DIAPH2: variants seen among roughly 807,000 people sequenced by gnomAD.
DIAPH2 encodes the protein protein diaphanous homolog 2.
DIAPH2 carries 35 observed loss-of-function variants against 92.7 expected under a neutral mutation model. That is an observed-to-expected ratio of 0.38 (90% confidence interval 0.29 to 0.50). The LOEUF (loss-of-function observed/expected upper bound fraction) is 0.50. Among genes scored for constraint, DIAPH2 ranks in the 20% least tolerant of loss-of-function variants. DIAPH2 has a pLI of 0.94. For missense variants in DIAPH2, 701 were observed against 819.5 expected (o/e 0.86, Z 1.77); for synonymous variants, 301 against 280.4 (o/e 1.07, Z -0.73).
At chrX:96,714,944 A>G (rs182849242) in intron 1 of DIAPH2, among the ~76,000 whole-genome samples, 151 of 111,891 alleles carry the variant, frequency 1.3e-3, no homozygotes, top group African/African-American at 4.5e-3. Context: ...GTGTGTGTAC[A>G]TATGATTGTG....
intron 4 of DIAPH2, among the ~76,000 whole-genome samples, chrX:96,775,353 T>TTGTGTGTGTGTGTGTG (rs60441028): frequency 0.059 from 5,239 of 89,283 alleles, 228 homozygotes; most frequent in Non-Finnish European, 0.091. Context: ...CAACGTGTGC[T>TTGTGTGTGTGTGTGTG]TGTGTGTGTG....
intron 26 of DIAPH2, among the ~76,000 whole-genome samples, chrX:97,589,999 T>C (rs769388440): frequency 8.9e-6 from 1 of 112,712 alleles, no homozygotes; most frequent in South Asian, 3.7e-4. Context: ...AAAGTGTGTG[T>C]GATATTAACC....
intron 17 of DIAPH2, among the ~76,000 whole-genome samples, chrX:97,060,462 T>C (rs1195688575): frequency 9.0e-6 from 1 of 111,641 alleles, no homozygotes; most frequent in African/African-American, 3.3e-5. Flanking sequence ...CTTTATGAGA[T>C]GTTTTTTATT....
chrX:96,812,878 C>G (rs901783782), intron 4 of DIAPH2, among the ~76,000 whole-genome samples: 1 of 111,838 alleles, frequency 8.9e-6, no homozygotes, highest in Admixed American at 9.5e-5. Context: ...GCACTGTGGT[C>G]GGAGAGACAG....
At chrX:96,823,672 G>A (rs921392944) in intron 4 of DIAPH2, among the ~76,000 whole-genome samples, 1 of 110,914 alleles carries the variant, frequency 9.0e-6, no homozygotes, top group Non-Finnish European at 1.9e-5. Flanking sequence ...AGGAGAAAGG[G>A]TTCAATTATA....
intron 4 of DIAPH2, among the ~76,000 whole-genome samples, chrX:96,807,848 T>C (rs2064639455): frequency 9.9e-6 from 1 of 101,287 alleles, no homozygotes. Flanking sequence ...AGTAGATCAC[T>C]GCAGGAAGGA....
intron 21 of DIAPH2, among the ~76,000 whole-genome samples, chrX:97,130,724 T>C (rs989795478): frequency 1.8e-5 from 2 of 111,592 alleles, no homozygotes; most frequent in African/African-American, 6.5e-5. Flanking sequence ...CTCACTGAAC[T>C]GTGTGCTTAA....
chrX:97,100,436 A>T (rs1430168545), intron 20 of DIAPH2, among the ~76,000 whole-genome samples: 2 of 111,760 alleles, frequency 1.8e-5, no homozygotes, highest in African/African-American at 6.5e-5. Flanking sequence ...TAAATTTTGA[A>T]TTCAAGATTA....
chrX:97,412,967 A>G (rs1451597333), intron 25 of DIAPH2, among the ~76,000 whole-genome samples: 3 of 112,013 alleles, frequency 2.7e-5, no homozygotes, highest in African/African-American at 9.7e-5. Flanking sequence ...GCTGAATTCT[A>G]CCAGAAGTAC....
At chrX:96,692,114 C>CT (rs1418204957) in intron 1 of DIAPH2, among the ~76,000 whole-genome samples, 8 of 111,839 alleles carry the variant, frequency 7.2e-5, no homozygotes, top group Non-Finnish European at 1.3e-4. Flanking sequence ...GTTAATGAGA[C>CT]TTTTTTACAA....
chrX:97,464,686 C>T (rs1265358490), intron 26 of DIAPH2, among the ~76,000 whole-genome samples: 6 of 111,466 alleles, frequency 5.4e-5, no homozygotes, highest in Non-Finnish European at 1.1e-4. Flanking sequence ...GATGAAAGAG[C>T]AGATTCTCTG....
intron 22 of DIAPH2, among the ~76,000 whole-genome samples, chrX:97,233,299 A>C (rs902726396): frequency 8.9e-6 from 1 of 112,776 alleles, no homozygotes; most frequent in Admixed American, 9.4e-5. Context: ...AAGAACACAC[A>C]TGAGACTTCA....
rs767123872 is a variant in DIAPH2, at chrX:96,881,562, CTTTG to C, written c.448-13_448-10del. The C allele has an allele frequency of 1.5e-5, 18 of 1,181,493 alleles. No individual in the cohort carries two copies. Among genetic ancestry groups the C allele is most frequent in the Non-Finnish European group, 1.9e-5 (17 of 882,216 alleles). On this transcript the variant is annotated splice_polypyrimidine_tract_variant and intron_variant, in intron 4 of 26. Transcript: ENST00000324765. ...TTTGAAACATTGTCTAAAATGGTCT[CTTTG>C]TTTATTTTATAGGGTGGGCTGAAAA... is the stretch of plus-strand genomic sequence containing the variant.
rs1569424842 is a variant in DIAPH2 at position 97,562,880 on chromosome X, G to A, written c.3242-36373G>A. Among the ~76,000 whole-genome samples, 7 of 112,007 alleles carry A rather than the reference G, an allele frequency of 6.2e-5. No individual in the cohort carries two copies. In the Admixed American group the frequency reaches 6.6e-4, roughly 11 times the overall value. ...TAACAAAGATACCCCCCAAATCTAT[G>A]TATGGTTGGCTTGCACAAATTAACT... is the stretch of plus-strand genomic sequence containing the variant. On this transcript the variant is annotated intron_variant, in intron 26 of 26. Transcript: ENST00000324765.
intron 26 of DIAPH2, among the ~76,000 whole-genome samples, chrX:97,473,678 G>A (rs2070581827): frequency 1.8e-5 from 2 of 112,429 alleles, no homozygotes; most frequent in Non-Finnish European, 3.8e-5. Context: ...ACAATCACAA[G>A]GGCTGGGTGT....
intron 24 of DIAPH2, among the ~76,000 whole-genome samples, chrX:97,359,130 C>T (rs1388189486): frequency 9.0e-6 from 1 of 111,107 alleles, no homozygotes; most frequent in Admixed American, 9.6e-5. Context: ...GTAAAGAGAT[C>T]GGTAGAATCT....
At position 96,738,505 on chromosome X, in the gene DIAPH2, C is replaced by T. The variant is rs969947578; in HGVS notation, c.166-81C>T. ...TAATGATATGTATTATACTAAGTGC[C>T]GTTTTGATGTTTCAATTCTTCATGT... On this transcript the variant is annotated intron_variant, in intron 2 of 26. Coordinates refer to ENST00000324765, the MANE Select transcript of DIAPH2 (RefSeq NM_006729.5). The T allele has an allele frequency of 1.0e-5, 8 of 797,051 alleles. No individual in the cohort carries two copies. The African/African-American group carries it at 1.0e-4, about 10-fold the overall frequency. The allele number at this position is 797,051 out of a possible 1,213,427, so 65.7% of individuals were successfully genotyped here. A position where few individuals can be genotyped will look rare whatever the true frequency, so the allele number is the denominator to read the frequency against.
chrX:97,095,405 C>T (rs181857155), intron 19 of DIAPH2, among the ~76,000 whole-genome samples: 6 of 107,393 alleles, frequency 5.6e-5, no homozygotes, highest in Non-Finnish European at 7.7e-5. Flanking sequence ...CGTGAGCCAC[C>T]GCGCCCGGCC....
intron 23 of DIAPH2, among the ~76,000 whole-genome samples, chrX:97,339,862 T>TG (rs2069097880): frequency 8.9e-6 from 1 of 112,081 alleles, no homozygotes; most frequent in Admixed American, 9.5e-5. Context: ...CTCTCATACT[T>TG]GCCAAGTTTA....
Sources: allele counts gnomAD v4.1 joint callset (sites outside exome capture counted in the v4.1 genomes callset), GRCh38; gene constraint gnomAD v4.1.1; transcripts MANE v1.5; gene names NCBI Gene and HGNC (gene_info 2026-07-23, HGNC 2026-07-21).